The following BRD1 variants were observed in gnomAD, a reference collection of about 807,000 sequenced individuals.
BRD1 encodes bromodomain containing 1.
A neutral mutation model predicts 107.7 loss-of-function variants in BRD1; 24 were observed. That is an observed-to-expected ratio of 0.22 (90% CI 0.16 to 0.31). BRD1 has a LOEUF of 0.31. Among genes scored for constraint, BRD1 ranks in the 10% least tolerant of loss-of-function variants. The probability of loss-of-function intolerance (pLI) is 1.00; values close to 1 mark genes in which losing one functional copy is unlikely to be tolerated. For missense variants in BRD1, 1,279 were observed against 1,638.6 expected (o/e 0.78, Z 3.79); for synonymous variants, 744 against 686.1 (o/e 1.08, Z -1.32).
At chr22:49,777,960 G>C (rs914812299) in intron 8 of BRD1, 147 bp from the exon 9 acceptor site, 1 of 1,169,618 alleles carries the variant, frequency 8.5e-7, no homozygotes, top group Non-Finnish European at 1.2e-6. Context: ...CCAAGTTCCC[G>C]AGCATAGTCC....
At chr22:49,798,534 C>G (rs1461919155) in intron 5 of BRD1, 24 bp downstream of exon 5, 3 of 1,614,100 alleles carry the variant, frequency 1.9e-6, no homozygotes, top group South Asian at 1.1e-5. Flanking sequence ...TGCGGCAGGA[C>G]AGACGAGCGC....
At position 49,794,092 on chromosome 22, in the gene BRD1, T is replaced by TTC. The variant is rs1569105951; in HGVS notation, c.2300_2301insGA (p.Gly768LysfsTer52). The TTC allele has an allele frequency of 6.2e-7, 1 of 1,614,210 alleles. No individual in the cohort carries two copies. The highest frequency in any genetic ancestry group is 1.1e-5 in the South Asian group (1 of 91,086). ...CGTCCTCTTCGAAGCCTTCCAAGCC[T>TTC]GGCCCCGTGGGCAGGGGCTGGCTGT... is the stretch of plus-strand genomic sequence containing the variant. On this transcript the variant is annotated frameshift_variant, in exon 7 of 13. Coordinates refer to ENST00000404760, the MANE Select transcript of BRD1 (RefSeq NM_001304808.3). LOFTEE classifies it high-confidence loss of function.
At position 49,775,395 on chromosome 22, in the gene BRD1, C is replaced by T. The variant is rs557707902; in HGVS notation, c.3386+196G>A. On this transcript the variant is annotated intron_variant, in intron 12 of 12. Coordinates refer to ENST00000404760, the MANE Select transcript of BRD1 (RefSeq NM_001304808.3). ...AGAGACAGACCCGGTGCTCAGTGCC[C>T]GTCCCACAGTCCCGGCGAGGGGGCT... The T allele has an allele frequency of 6.1e-4, 283 of 463,532 alleles. 2 individuals carry two copies. Among genetic ancestry groups the T allele is most frequent in the Admixed American group, 8.2e-4 (22 of 26,850 alleles). The allele number at this position is 463,532 out of a possible 1,614,324, so 28.7% of individuals were successfully genotyped here.
chr22:49,777,546 C>A (rs548656951), intron 9 of BRD1, 132 bp downstream of exon 9: 3 of 1,273,316 alleles, frequency 2.4e-6, no homozygotes, highest in Non-Finnish European at 3.2e-6. Flanking sequence ...GCAGAGCACA[C>A]ATGAATCCCA....
At chr22:49,798,526 C>T (rs6009878) in intron 5 of BRD1, 32 bp downstream of exon 5, 76,329 of 1,613,966 alleles carry the variant, frequency 0.047, 4,323 homozygotes, top group African/African-American at 0.28. Flanking sequence ...GTCACACATG[C>T]GGCAGGACAG....
At chr22:49,808,667 T>C (rs900665348) in intron 2 of BRD1, among the ~76,000 whole-genome samples, 2 of 152,180 alleles carry the variant, frequency 1.3e-5, no homozygotes, top group African/African-American at 4.8e-5. Context: ...TTACAATGAT[T>C]AAGATGGTAC....
intron 8 of BRD1, among the ~76,000 whole-genome samples, chr22:49,779,372 A>C (rs1476613053): frequency 6.6e-6 from 1 of 152,202 alleles, no homozygotes; most frequent in African/African-American, 2.4e-5. Flanking sequence ...TGACTGACTG[A>C]AACAGAGGGG....
Position 49,827,873 on chromosome 22 carries a change from C to T in BRD1, c.-391G>A, listed in dbSNP as rs2060163637. Among the ~76,000 whole-genome samples the T allele has an allele frequency of 6.9e-6, 1 of 144,180 alleles. No homozygotes were observed. Among genetic ancestry groups the T allele is most frequent in the South Asian group, 2.3e-4 (1 of 4,292 alleles). The allele number at this position is 144,180 out of a possible 152,430, so 94.6% of individuals were successfully genotyped here. Reference sequence around the variant, plus strand: ...TCGCTCCCCAGCGAAGCAAACAATGCGGCGAGCGCTCCGCCCGGCGCGCTG... The same window carrying T: ...TCGCTCCCCAGCGAAGCAAACAATGTGGCGAGCGCTCCGCCCGGCGCGCTG... On this transcript the variant is annotated 5_prime_UTR_variant, in exon 1 of 13. Transcript: ENST00000404760.
At chr22:49,778,173 C>T (rs962509477) in intron 8 of BRD1, among the ~76,000 whole-genome samples, 2 of 152,162 alleles carry the variant, frequency 1.3e-5, no homozygotes, top group African/African-American at 4.8e-5. Flanking sequence ...AGTGCAAACA[C>T]GGGGGCGGCC....
chr22:49,809,753 A>G (rs997121745), intron 2 of BRD1, among the ~76,000 whole-genome samples: 1 of 152,202 alleles, frequency 6.6e-6, no homozygotes, highest in African/African-American at 2.4e-5. Context: ...GGAAGTGACC[A>G]AATTCCAAAT....
In BRD1 at chr22:49,803,930, C is replaced by A. The variant is rs2147200016; in HGVS notation, c.1524+274G>T. On this transcript the variant is annotated intron_variant, in intron 3 of 12. Transcript: ENST00000404760. The surrounding 1 kb of genome is among the most constrained non-coding windows in gnomAD (Gnocchi z 4.4). ...CCCAGAGCTGGCCACTGCCCATCAG[C>A]GTGTGTGCGGGCAGGGCAGGGCGGG... is the stretch of plus-strand genomic sequence containing the variant. 6.6e-6 allele frequency among the ~76,000 whole-genome samples: 1 copy of A among 152,344 alleles called. No individual in the cohort carries two copies. Among genetic ancestry groups the A allele is most frequent in the Non-Finnish European group, 1.5e-5 (1 of 68,036 alleles).
chr22:49,790,207 C>A lies in BRD1; in HGVS notation c.2360-2320G>T, dbSNP rs998849542. 7.9e-5 allele frequency among the ~76,000 whole-genome samples: 12 copies of A among 152,340 alleles called. 1 individual carries two copies. Among genetic ancestry groups the A allele is most frequent in the Admixed American group, 2.0e-4 (3 of 15,304 alleles). ...GCCGGGACCACAGAGGCCCCCGGACCGTTCAGTGCCTCAGTTCCTCATCCA... is the reference window on the plus strand; with the variant it reads ...GCCGGGACCACAGAGGCCCCCGGACAGTTCAGTGCCTCAGTTCCTCATCCA... On this transcript the variant is annotated intron_variant, in intron 7 of 12. Coordinates refer to ENST00000404760, the MANE Select transcript of BRD1 (RefSeq NM_001304808.3).
At chr22:49,806,981 A>T (rs1823876115) in intron 2 of BRD1, 1 of 146,078 alleles carries the variant, frequency 6.8e-6, no homozygotes, top group Non-Finnish European at 1.5e-5. Flanking sequence ...CTGAGGAACA[A>T]GAGCGAGACT....
chr22:49,794,192 C>G lies in BRD1; in HGVS notation c.2201G>C (p.Ser734Thr). The G allele has an allele frequency of 1.9e-6, 3 of 1,614,246 alleles. No homozygotes were observed. The highest frequency in any genetic ancestry group is 2.5e-6 in the Non-Finnish European group (3 of 1,180,054). The change falls in exon 7 of 13, where the codon AGC becomes ACC. Residue 734 changes from serine (S) to threonine (T), a missense_variant. Physicochemically the swap from Ser to Thr is moderately conservative, Grantham distance 58. Transcript: ENST00000404760. ...MLDLTCAMKSSGSRSKRAKLL... is the reference protein window; with the variant it reads ...MLDLTCAMKSTGSRSKRAKLL... ...CTTTGCCCGCTTGCTCCGGGAGCCG[C>G]TGGACTTCATAGCGCAGGTGAGGTC...
intron 8 of BRD1, among the ~76,000 whole-genome samples, chr22:49,782,433 G>A (rs1347558274): frequency 1.4e-5 from 2 of 147,410 alleles, no homozygotes; most frequent in African/African-American, 2.5e-5. Flanking sequence ...CAGGCCAGAT[G>A]CCTGCACAAG....
rs2059114834 is a variant in BRD1, at chr22:49,777,077, G to A, written c.3078C>T (p.Cys1026=). 6.2e-7 allele frequency: 1 copy of A among 1,613,306 alleles called. No individual in the cohort carries two copies. The highest frequency in any genetic ancestry group is 2.2e-5 in the East Asian group (1 of 44,890). The change falls in exon 10 of 13, where the codon TGC becomes TGT. Residue 1026 remains cysteine, a synonymous_variant. Coordinates refer to ENST00000404760, the MANE Select transcript of BRD1 (RefSeq NM_001304808.3). The stretch of plus-strand genomic sequence containing the variant: ...CCTTGGCGTAGTTCCCATTCTCGAT[G>A]CAGGAGATCAGCTCACTGCGGTCCT... ...TLEDRSELIS[C]IENGNYAKAA...
At chr22:49,776,207 G>A in intron 10 of BRD1, 48 bp from the exon 11 acceptor site, 1 of 1,490,892 alleles carries the variant, frequency 6.7e-7, no homozygotes, top group East Asian at 2.3e-5. Context: ...AGGACACGGG[G>A]CACGCCCCGC....
intron 7 of BRD1, among the ~76,000 whole-genome samples, chr22:49,793,411 A>G (rs2059469767): frequency 6.6e-6 from 1 of 152,134 alleles, no homozygotes; most frequent in Admixed American, 6.5e-5. Flanking sequence ...TCTTAGTCAT[A>G]AAAACATCTT....
Position 49,824,255 on chromosome 22 carries a change from A to G in BRD1, c.63T>C (p.Ser21=), listed in dbSNP as rs149688646. The G allele has an allele frequency of 3.4e-5, 55 of 1,613,938 alleles. No homozygotes were observed. The highest frequency in any genetic ancestry group is 1.1e-4 in the African/African-American group (8 of 75,018). The change falls in exon 2 of 13, where the codon AGT becomes AGC. Residue 21 remains serine (S), a synonymous_variant. Transcript: ENST00000404760. The surrounding 1 kb of genome is among the most constrained non-coding windows in gnomAD (Gnocchi z 5.9). ...TTTCTCGCGTAGGGGAGTGTTTAAC[A>G]CTGCATGGGGAAGAAGGATGCCTCG... ...SAARHPSSPC[S]VKHSPTRETL...
Sources: allele counts gnomAD v4.1 joint callset (sites outside exome capture counted in the v4.1 genomes callset), GRCh38; gene constraint gnomAD v4.1.1; non-coding constraint Gnocchi (gnomAD v3.1); transcripts MANE v1.5; gene names NCBI Gene and HGNC (gene_info 2026-07-23, HGNC 2026-07-21).